The following KLHL8 variants were observed in gnomAD, a reference collection of about 807,000 sequenced individuals.
The protein encoded by KLHL8 is kelch-like protein 8.
A neutral mutation model predicts 63.5 loss-of-function variants in KLHL8; 38 were observed. The ratio of observed to expected loss-of-function variants is 0.60; its 90% CI spans 0.46 to 0.78. KLHL8 has a LOEUF of 0.78. Ranked by LOEUF, KLHL8 falls within the 30% of genes least tolerant of loss-of-function variation. The pLI is 0.00. For synonymous variants in KLHL8, 224 were observed against 254.3 expected (o/e 0.88, Z 1.13); for missense variants, 566 against 752.4 (o/e 0.75, Z 2.90).
chr4:87,190,033 C>CAAAAA (rs35607781), intron 2 of KLHL8, among the ~76,000 whole-genome samples: 9 of 76,734 alleles, frequency 1.2e-4, no homozygotes, highest in Non-Finnish European at 1.9e-4. Context: ...GCCTCCATCT[C>CAAAAA]AAAAAAAAAA....
chr4:87,208,350 GTCT>G lies in KLHL8; in HGVS notation c.-152+12065_-152+12067del, dbSNP rs998509551. 2.6e-3 allele frequency among the ~76,000 whole-genome samples: 398 copies of G among 151,544 alleles called. 3 individuals carry two copies. Among genetic ancestry groups the G allele is most frequent in the African/African-American group, 8.7e-3 (362 of 41,392 alleles). ...TCAACTCTTGTTAGTCTAGTGAGTTGTCTTCTTCTTCTTTTTTTCTTTTTTTTT... is the reference window on the plus strand; with the variant it reads ...TCAACTCTTGTTAGTCTAGTGAGTTGTCTTCTTCTTTTTTTCTTTTTTTTT... On this transcript the variant is annotated intron_variant, in intron 1 of 9. Transcript: ENST00000273963.
chr4:87,210,329 A>T lies in KLHL8; in HGVS notation c.-152+10089T>A, dbSNP rs982184225. The stretch of plus-strand genomic sequence containing the variant: ...CGTCTCTACTAAAAAAAACACAAAA[A>T]ACTTAGCCAGGCATGGTGGCGGGCG... On this transcript the variant is annotated intron_variant, in intron 1 of 9. Transcript: ENST00000273963. 3.3e-5 allele frequency among the ~76,000 whole-genome samples: 5 copies of T among 152,210 alleles called. No homozygotes were observed. The East Asian group carries it at 9.7e-4, about 29-fold the overall frequency.
At chr4:87,195,013 T>C (rs1234560563) in intron 2 of KLHL8, among the ~76,000 whole-genome samples, 1 of 152,198 alleles carries the variant, frequency 6.6e-6, no homozygotes, top group African/African-American at 2.4e-5. Flanking sequence ...GAAAAGCTTA[T>C]CTGGTCAACA....
At chr4:87,172,616 A>C (rs1730677479) in intron 6 of KLHL8, among the ~76,000 whole-genome samples, 2 of 152,210 alleles carry the variant, frequency 1.3e-5, no homozygotes, top group Admixed American at 6.5e-5. Context: ...GAAACCGAAG[A>C]ATCATCTTTG....
rs1486341892 is a variant in KLHL8 at position 87,185,518 on chromosome 4, G to A, written c.498C>T (p.Pro166=). ...CCEYMKLHFH[P]SNCLAVRAFA... Reference sequence around the variant, plus strand: ...AGGCTCTTACTGCCAGGCAATTGGAGGGATGAAAATGTAACTTCATGTATT... The same window carrying A: ...AGGCTCTTACTGCCAGGCAATTGGAAGGATGAAAATGTAACTTCATGTATT... Residue 166 remains proline (P), a synonymous_variant, in exon 3 of 10, where the codon CCC becomes CCT. Transcript: ENST00000273963. The A allele has an allele frequency of 2.0e-5, 32 of 1,614,172 alleles. No individual in the cohort carries two copies. The highest frequency in any genetic ancestry group is 2.7e-5 in the Non-Finnish European group (32 of 1,180,032).
chr4:87,184,330 C>A (rs955786221), intron 3 of KLHL8, among the ~76,000 whole-genome samples: 14 of 146,622 alleles, frequency 9.5e-5, no homozygotes, highest in Non-Finnish European at 1.7e-4. Context: ...GTCTTATCAT[C>A]ATACTCTGAA....
intron 1 of KLHL8, among the ~76,000 whole-genome samples, chr4:87,200,910 T>C (rs1341384603): frequency 1.3e-5 from 2 of 152,004 alleles, no homozygotes; most frequent in Non-Finnish European, 2.9e-5. Context: ...ATCAGATAAA[T>C]GGAAAAAGAA....
chr4:87,176,769 A>G lies in KLHL8; in HGVS notation c.1196T>C (p.Met399Thr). Residue 399 changes from methionine to threonine, a missense_variant, in exon 6 of 10, where the codon ATG becomes ACG. Met to Thr is a moderately conservative substitution (Grantham distance 81, BLOSUM62 -1). Transcript: ENST00000273963. ...LTNKWMMKAS[M>T]NTKRRGIALA... ...CATGCTGATCTACCTCTTTGTGTTCATTGATGCCTTCATCATCCATTTATT... is the reference window on the plus strand; with the variant it reads ...CATGCTGATCTACCTCTTTGTGTTCGTTGATGCCTTCATCATCCATTTATT... 1 of 1,562,984 alleles carries G rather than the reference A, an allele frequency of 6.4e-7. No homozygotes were observed. The highest frequency in any genetic ancestry group is 8.8e-7 in the Non-Finnish European group (1 of 1,139,328).
chr4:87,205,534 T>C lies in KLHL8; in HGVS notation c.-151-9844A>G, dbSNP rs141523310. 2.2e-3 allele frequency among the ~76,000 whole-genome samples: 335 copies of C among 152,336 alleles called. 2 individuals carry two copies. Among genetic ancestry groups the C allele is most frequent in the African/African-American group, 7.3e-3 (304 of 41,568 alleles). ...TCATTTAGTCCTCACTACAACTCTATGAAGTAGCTACTTTTATTTTGCCCT... is the reference window on the plus strand; with the variant it reads ...TCATTTAGTCCTCACTACAACTCTACGAAGTAGCTACTTTTATTTTGCCCT... On this transcript the variant is annotated intron_variant, in intron 1 of 9. Coordinates refer to ENST00000273963, the MANE Select transcript of KLHL8 (RefSeq NM_020803.5).
intron 2 of KLHL8, among the ~76,000 whole-genome samples, chr4:87,187,997 T>G (rs1731333497): frequency 6.6e-6 from 1 of 152,196 alleles, no homozygotes; most frequent in Non-Finnish European, 1.5e-5. Context: ...CCTCAGTCTT[T>G]TTTCACTAAT....
intron 1 of KLHL8, among the ~76,000 whole-genome samples, chr4:87,237,276 A>C (rs984163501): frequency 4.6e-5 from 7 of 152,222 alleles, no homozygotes; most frequent in African/African-American, 1.7e-4. Context: ...TTATAAGGAC[A>C]CATACTTTTC....
intron 3 of KLHL8, among the ~76,000 whole-genome samples, chr4:87,183,740 C>T (rs996210636): frequency 3.9e-5 from 6 of 152,126 alleles, no homozygotes; most frequent in African/African-American, 1.4e-4. Flanking sequence ...AATCACAAGG[C>T]CCTTCTATTG....
chr4:87,199,813 C>T (rs570713258), intron 1 of KLHL8, among the ~76,000 whole-genome samples: 3 of 149,100 alleles, frequency 2.0e-5, no homozygotes, highest in Non-Finnish European at 3.0e-5. Context: ...GGCAATACAG[C>T]AAGCACCTGT....
At chr4:87,187,239 T>C (rs545313309) in intron 2 of KLHL8, among the ~76,000 whole-genome samples, 1 of 152,204 alleles carries the variant, frequency 6.6e-6, no homozygotes, top group East Asian at 1.9e-4. Context: ...GTTGTTATTG[T>C]TGTTGTTGTT....
intron 1 of KLHL8, among the ~76,000 whole-genome samples, chr4:87,227,270 TA>T (rs1251772633): frequency 6.6e-6 from 1 of 151,856 alleles, no homozygotes; most frequent in East Asian, 1.9e-4. Flanking sequence ...AATCCAGTTT[TA>T]AAGTATCTCT....
chr4:87,204,048 C>T (rs763579275), intron 1 of KLHL8, among the ~76,000 whole-genome samples: 1 of 152,126 alleles, frequency 6.6e-6, no homozygotes, highest in Admixed American at 6.5e-5. Context: ...AACATCACTG[C>T]CATTACGTAA....
upstream of KLHL8, among the ~76,000 whole-genome samples, chr4:87,223,990 T>C (rs1159362138): frequency 6.6e-6 from 1 of 152,172 alleles, no homozygotes; most frequent in Non-Finnish European, 1.5e-5. Context: ...ATCTGATAGC[T>C]GTTTGTTCAT....
chr4:87,200,465 T>C (rs1250154006), intron 1 of KLHL8, among the ~76,000 whole-genome samples: 1 of 152,246 alleles, frequency 6.6e-6, no homozygotes, highest in Non-Finnish European at 1.5e-5. Context: ...TTATTTTTAT[T>C]GGATTTAAAA....
intron 4 of KLHL8, 122 bp downstream of exon 4, chr4:87,183,081 G>T: frequency 1.7e-6 from 1 of 602,438 alleles, no homozygotes; most frequent in Non-Finnish European, 2.7e-6. Context: ...AACCGTATTT[G>T]CCAATTATTA....
Sources: gnomAD v4.1 joint callset for allele counts (sites outside exome capture counted in the v4.1 genomes callset) on GRCh38, gnomAD v4.1.1 for gene constraint, MANE v1.5 for transcripts, NCBI Gene and HGNC (gene_info 2026-07-23, HGNC 2026-07-21) for gene names.